The following LPIN2 variants were observed in gnomAD, a reference collection of about 807,000 sequenced individuals.
LPIN2 encodes the protein phosphatidate phosphatase LPIN2.
LPIN2 carries 55 observed loss-of-function variants against 111.4 expected under a neutral mutation model. The ratio of observed to expected loss-of-function variants is 0.49; its 90% CI spans 0.40 to 0.62. The LOEUF is 0.62. Ranked by LOEUF, LPIN2 falls within the 20% of genes least tolerant of loss-of-function variation. The pLI, the probability that LPIN2 is intolerant of heterozygous loss-of-function variation, is 0.00. For missense variants in LPIN2, 992 were observed against 1,112.1 expected, an observed-to-expected ratio of 0.89 and a Z score of 1.54; for synonymous variants, 425 against 414.0, an observed-to-expected ratio of 1.03 and a Z score of -0.32.
At chr18:2,966,755 C>T (rs1196845366) in intron 1 of LPIN2, among the ~76,000 whole-genome samples, 1 of 152,190 alleles carries the variant, frequency 6.6e-6, no homozygotes, top group African/African-American at 2.4e-5. Context: ...CCTCACACCA[C>T]TACTATTAAC....
intron 1 of LPIN2, among the ~76,000 whole-genome samples, chr18:3,002,438 C>A (rs678156): frequency 1.3e-5 from 2 of 152,116 alleles, no homozygotes; most frequent in Non-Finnish European, 2.9e-5. Context: ...AAATTTTAGT[C>A]AAACGCTCAC....
rs140297382 is a variant in LPIN2, at chr18:2,970,823, A to C, written c.-9-9974T>G. Among the ~76,000 whole-genome samples, 10 of 152,362 alleles carry C rather than the reference A, an allele frequency of 6.6e-5. No individual in the cohort carries two copies. In the East Asian group the frequency reaches 9.6e-4, roughly 15 times the overall value. ...TCTCAGGGCTGATAAGTTTTAAATT[A>C]GGATTTTTGGATCTGTCACCATGTT... On this transcript the variant is annotated intron_variant, in intron 1 of 19. Transcript: ENST00000677752.
chr18:2,924,252 A>C (rs2077098554), intron 15 of LPIN2, 146 bp downstream of exon 15: 7 of 919,482 alleles, frequency 7.6e-6, no homozygotes, highest in Non-Finnish European at 1.0e-5. Context: ...TGTGGACTGT[A>C]CTGGGGACGC....
rs550094889 is a variant in LPIN2, at chr18:2,951,984, A to G, written c.289-628T>C. Among the ~76,000 whole-genome samples, 22 of 152,352 alleles carry G rather than the reference A, an allele frequency of 1.4e-4. No homozygotes were observed. In the South Asian group the frequency reaches 4.6e-3, roughly 32 times the overall value. ...ATTCCTTCCTGTAGGAATTCAAAAG[A>G]AGAAAATAAGGCCCAATATTTAGAA... On this transcript the variant is annotated intron_variant, in intron 3 of 19. Coordinates refer to ENST00000677752, the MANE Select transcript of LPIN2 (RefSeq NM_001375808.2).
Position 2,917,880 on chromosome 18 carries a change from C to T in LPIN2, c.*2413G>A, listed in dbSNP as rs190273452. ...CAATCTGCCTGCCATCTCCCTGAGC[C>T]GTCACCCGTCACTGAAGATAGCGCG... On this transcript the variant is annotated 3_prime_UTR_variant, in exon 20 of 20. Coordinates refer to ENST00000677752, the MANE Select transcript of LPIN2 (RefSeq NM_001375808.2). 2.0e-5 allele frequency: 3 copies of T among 152,308 alleles called. No homozygotes were observed. Among genetic ancestry groups the T allele is most frequent in the East Asian group, 3.9e-4 (2 of 5,190 alleles). The allele number at this position is 152,308 out of a possible 1,614,324, so 9.4% of individuals were successfully genotyped here.
At chr18:2,963,284 C>T (rs1397896818) in intron 1 of LPIN2, among the ~76,000 whole-genome samples, 3 of 152,098 alleles carry the variant, frequency 2.0e-5, no homozygotes, top group Admixed American at 1.3e-4. Flanking sequence ...TGCAGTTGTT[C>T]GTCATAGGCA....
rs772230305 is a variant in LPIN2, at chr18:2,937,742, G to A, written c.1118C>T (p.Pro373Leu). 2.6e-5 allele frequency: 42 copies of A among 1,613,898 alleles called. No individual in the cohort carries two copies. Among genetic ancestry groups the A allele is most frequent in the South Asian group, 2.3e-4 (21 of 91,082 alleles). The change falls in exon 7 of 20, where the codon CCC (proline) becomes CTC (leucine). Residue 373 changes from proline to leucine, a missense_variant. Around this residue, in one of 4 missense-constraint regions of LPIN2, gnomAD observed 709 missense variants for 753.2 expected, o/e 0.94. Transcript: ENST00000677752. ...TTTAGCTGCCGGTTTGGATTCTGAG[G>A]GCGCCTCCGCTAAGGCTGCGTTGGG... ...HLPNAALAEAPSESKPAAKVD... is the reference protein window; with the variant it reads ...HLPNAALAEALSESKPAAKVD...
Position 2,964,901 on chromosome 18 carries a change from G to C in LPIN2, c.-9-4052C>G, listed in dbSNP as rs928694051. On this transcript the variant is annotated intron_variant, in intron 1 of 19. Transcript: ENST00000677752. ...CTTCTATTCTAGGCTAAGCATTCTT[G>C]TTCCTTAAAATATGTGAACTGATTG... 1.3e-5 allele frequency among the ~76,000 whole-genome samples: 2 copies of C among 152,148 alleles called. 1 individual carries two copies. Among genetic ancestry groups the C allele is most frequent in the South Asian group, 4.1e-4 (2 of 4,834 alleles).
chr18:2,932,186 C>T (rs940618925), intron 8 of LPIN2, among the ~76,000 whole-genome samples: 1 of 152,126 alleles, frequency 6.6e-6, no homozygotes. Context: ...TGGCACAGCA[C>T]CTTAAGTCTC....
At chr18:3,012,302 G>C (rs2143525195) in intron 1 of LPIN2, among the ~76,000 whole-genome samples, 1 of 152,312 alleles carries the variant, frequency 6.6e-6, no homozygotes, top group African/African-American at 2.4e-5. Context: ...GAAAGGAAGG[G>C]TGATCTTTCT....
chr18:2,951,056 G>C lies in LPIN2; in HGVS notation c.589C>G (p.Arg197Gly), dbSNP rs750126005. Reference sequence around the variant, plus strand: ...CCCTTCCCAGGCTGAGAGTCCTACCGTGCTGCCTGGGCCCCCTTGTCATCA... The same window carrying C: ...CCCTTCCCAGGCTGAGAGTCCTACCCTGCTGCCTGGGCCCCCTTGTCATCA... ...SDDDKGAQAA[R>G]GSSNASLKEE... The change falls in exon 4 of 20, where the codon CGA (arginine) becomes GGA (glycine). Residue 197 changes from arginine (R) to glycine (G), a missense_variant and splice_region_variant. Arg to Gly is a moderately radical substitution (Grantham distance 125). Coordinates refer to ENST00000677752, the MANE Select transcript of LPIN2 (RefSeq NM_001375808.2). 6.2e-7 allele frequency: 1 copy of C among 1,613,876 alleles called. No individual in the cohort carries two copies. The highest frequency in any genetic ancestry group is 1.3e-5 in the African/African-American group (1 of 74,896).
At chr18:2,958,402 A>C (rs2077657275) in intron 2 of LPIN2, among the ~76,000 whole-genome samples, 1 of 151,992 alleles carries the variant, frequency 6.6e-6, no homozygotes, top group Non-Finnish European at 1.5e-5. Context: ...CATGATTTCA[A>C]ATTCACTTCA....
At chr18:2,932,219 C>T (rs1277974157) in intron 8 of LPIN2, among the ~76,000 whole-genome samples, 1 of 152,180 alleles carries the variant, frequency 6.6e-6, no homozygotes, top group Non-Finnish European at 1.5e-5. Flanking sequence ...GCTTACTACT[C>T]TATACCCTTT....
intron 7 of LPIN2, among the ~76,000 whole-genome samples, chr18:2,936,498 G>A (rs906206401): frequency 3.3e-5 from 5 of 152,128 alleles, no homozygotes; most frequent in African/African-American, 1.2e-4. Flanking sequence ...ATGGGTTAGA[G>A]TGCAGTGGTG....
intron 2 of LPIN2, among the ~76,000 whole-genome samples, chr18:2,958,158 CAACAA>C (rs1948160534): frequency 2.8e-5 from 1 of 35,352 alleles, no homozygotes; most frequent in African/African-American, 1.1e-4. Context: ...AAAAAAAAAA[CAACAA>C]AAAAAAAAAA....
chr18:3,003,907 A>C (rs1006738818), intron 1 of LPIN2, among the ~76,000 whole-genome samples: 1 of 152,162 alleles, frequency 6.6e-6, no homozygotes, highest in African/African-American at 2.4e-5. Flanking sequence ...AGTAGGAGAG[A>C]TATCGCTGAA....
chr18:2,925,985 A>C lies in LPIN2; in HGVS notation c.1794-617T>G, dbSNP rs2077124600. ...GCAAGACCCTGTCTCTACAAAATAC[A>C]AATTTAAAAATTAGCCAGGCATGGT... On this transcript the variant is annotated intron_variant, in intron 13 of 19. Coordinates refer to ENST00000677752, the MANE Select transcript of LPIN2 (RefSeq NM_001375808.2). This position sits in a 1 kb window ranked among gnomAD's most constrained non-coding sequence, Gnocchi z 4.1. Among the ~76,000 whole-genome samples the C allele has an allele frequency of 6.6e-6, 1 of 152,136 alleles. No homozygotes were observed. Among genetic ancestry groups the C allele is most frequent in the Non-Finnish European group, 1.5e-5 (1 of 68,022 alleles).
At chr18:2,948,855 C>T (rs2077494290) in intron 4 of LPIN2, among the ~76,000 whole-genome samples, 1 of 151,266 alleles carries the variant, frequency 6.6e-6, no homozygotes, top group African/African-American at 2.4e-5. Flanking sequence ...GCTCTGTCAC[C>T]TGGGCTGGAG....
chr18:2,957,069 T>C (rs2077625596), intron 2 of LPIN2, among the ~76,000 whole-genome samples: 1 of 152,236 alleles, frequency 6.6e-6, no homozygotes, highest in African/African-American at 2.4e-5. Context: ...TAACCCCTCA[T>C]TTCCATATAG....
Sources: allele counts gnomAD v4.1 joint callset (sites outside exome capture counted in the v4.1 genomes callset), GRCh38; gene constraint gnomAD v4.1.1; regional missense constraint gnomAD v4.1.1; non-coding constraint Gnocchi (gnomAD v3.1); transcripts MANE v1.5; gene names NCBI Gene and HGNC (gene_info 2026-07-23, HGNC 2026-07-21).